PACRG: variants seen among roughly 807,000 people sequenced by gnomAD.
The protein encoded by PACRG is parkin coregulated gene protein.
A neutral mutation model predicts 29.7 loss-of-function variants in PACRG; 29 were observed. The observed-to-expected ratio is 0.98, with a 90% CI of 0.73 to 1.33. The LOEUF (loss-of-function observed/expected upper bound fraction) is 1.33. Among genes scored for constraint, PACRG ranks in the 40% most tolerant of loss-of-function variants. The pLI is 0.00. For missense variants in PACRG, 279 were observed against 316.2 expected (o/e 0.88, Z 0.89); for synonymous variants, 116 against 118.7 (o/e 0.98, Z 0.15).
chr6:163,180,360 C>T (rs1779596420), intron 4 of PACRG, among the ~76,000 whole-genome samples: 1 of 152,224 alleles, frequency 6.6e-6, no homozygotes, highest in Non-Finnish European at 1.5e-5. Context: ...GTTCTACTAA[C>T]TAGTTCGAGA....
chr6:162,884,339 A>G (rs1794152980), intron 2 of PACRG, among the ~76,000 whole-genome samples: 1 of 152,106 alleles, frequency 6.6e-6, no homozygotes, highest in African/African-American at 2.4e-5. Context: ...CAGTATGTTT[A>G]TTGAAAAAAA....
At chr6:162,744,104 A>G (rs1417156845) in intron 1 of PACRG, among the ~76,000 whole-genome samples, 5 of 152,100 alleles carry the variant, frequency 3.3e-5, no homozygotes, top group African/African-American at 7.2e-5. Flanking sequence ...AAAAAATACA[A>G]TTGTTGCTTG....
chr6:162,876,514 A>G (rs1443442647), intron 2 of PACRG, among the ~76,000 whole-genome samples: 1 of 152,264 alleles, frequency 6.6e-6, no homozygotes, highest in East Asian at 1.9e-4. Context: ...CCTTCTTTTG[A>G]GAAGTGTCTG....
At chr6:163,214,685 G>C (rs372243097) in intron 4 of PACRG, among the ~76,000 whole-genome samples, 2 of 151,806 alleles carry the variant, frequency 1.3e-5, no homozygotes, top group African/African-American at 4.8e-5. Context: ...CAGCTATGTA[G>C]GTATATTTTG....
In PACRG at chr6:162,728,192, T is replaced by C. The variant is rs544114118; in HGVS notation, c.-44T>C. The C allele has an allele frequency of 6.3e-7, 1 of 1,596,624 alleles. No homozygotes were observed. The highest frequency in any genetic ancestry group is 8.5e-7 in the Non-Finnish European group (1 of 1,170,530). ...GCTCACATCCGTAAAGCCCACTGATTCTTTTACTACACTTTTTATGAGAAC... is the reference window on the plus strand; with the variant it reads ...GCTCACATCCGTAAAGCCCACTGATCCTTTTACTACACTTTTTATGAGAAC... On this transcript the variant is annotated 5_prime_UTR_variant, in exon 1 of 5. Coordinates refer to ENST00000366888, the MANE Select transcript of PACRG (RefSeq NM_001080379.2).
intron 2 of PACRG, among the ~76,000 whole-genome samples, chr6:162,980,587 T>C (rs2128171290): frequency 6.6e-6 from 1 of 152,274 alleles, no homozygotes; most frequent in Non-Finnish European, 1.5e-5. Flanking sequence ...TATTCTCCAT[T>C]TAAGAAACAT....
chr6:163,139,629 T>C lies in PACRG; in HGVS notation c.613+50221T>C, dbSNP rs556998060. On this transcript the variant is annotated intron_variant, in intron 4 of 4. Coordinates refer to ENST00000366888, the MANE Select transcript of PACRG (RefSeq NM_001080379.2). ...TCAATAACTATTTGTTTTGTTTCTA[T>C]ATACCAAAAGTTCAGCATCTCTCCA... 2.6e-5 allele frequency among the ~76,000 whole-genome samples: 4 copies of C among 152,362 alleles called. No individual in the cohort carries two copies. In the East Asian group the frequency reaches 7.7e-4, roughly 29 times the overall value.
intron 2 of PACRG, among the ~76,000 whole-genome samples, chr6:162,881,623 T>C (rs150533239): frequency 0.016 from 2,432 of 149,286 alleles, 60 homozygotes; most frequent in African/African-American, 0.056. Flanking sequence ...CCAGGGGTGC[T>C]CTCCACCAAG....
At chr6:163,258,511 A>C (rs910211200) in intron 4 of PACRG, among the ~76,000 whole-genome samples, 44 of 152,162 alleles carry the variant, frequency 2.9e-4, no homozygotes, top group Admixed American at 2.2e-3. Flanking sequence ...TAATCCCAGC[A>C]CTTTGGGAGG....
intron 2 of PACRG, among the ~76,000 whole-genome samples, chr6:162,942,076 C>T (rs937922394): frequency 2.1e-4 from 32 of 152,178 alleles, no homozygotes; most frequent in Non-Finnish European, 1.2e-4. Flanking sequence ...TTTGCAGAAC[C>T]AAAATTGAAG....
chr6:162,873,178 A>C (rs922826809), intron 2 of PACRG, among the ~76,000 whole-genome samples: 2 of 151,826 alleles, frequency 1.3e-5, no homozygotes, highest in Non-Finnish European at 2.9e-5. Flanking sequence ...AAGAATACTA[A>C]ATTCCAAGAG....
intron 1 of PACRG, among the ~76,000 whole-genome samples, chr6:162,754,570 G>T (rs181161011): frequency 6.6e-6 from 1 of 151,606 alleles, no homozygotes; most frequent in Non-Finnish European, 1.5e-5. Flanking sequence ...CTTCCTCCCA[G>T]TGTTTTCTTC....
intron 4 of PACRG, among the ~76,000 whole-genome samples, chr6:163,193,083 G>A (rs1268610586): frequency 6.6e-6 from 1 of 152,102 alleles, no homozygotes; most frequent in South Asian, 2.1e-4. Flanking sequence ...ACAGACATTT[G>A]AAGCCTATAA....
At chr6:162,953,426 A>G (rs1302100725) in intron 2 of PACRG, among the ~76,000 whole-genome samples, 1 of 152,208 alleles carries the variant, frequency 6.6e-6, no homozygotes, top group Admixed American at 6.5e-5. Flanking sequence ...TTAGAAGATA[A>G]TACTGTAAAC....
intron 4 of PACRG, among the ~76,000 whole-genome samples, chr6:163,155,776 C>T (rs1778286623): frequency 6.6e-6 from 1 of 152,232 alleles, no homozygotes; most frequent in Non-Finnish European, 1.5e-5. Context: ...TGTCCCAACC[C>T]CACTCCGACT....
intron 1 of PACRG, among the ~76,000 whole-genome samples, chr6:162,787,572 G>GTA (rs1784571525): frequency 1.7e-5 from 1 of 58,508 alleles, no homozygotes; most frequent in African/African-American, 7.2e-5. Flanking sequence ...GTGTGTGTGT[G>GTA]TGTGTGTGTG....
chr6:163,247,602 C>T (rs775454153), intron 4 of PACRG, among the ~76,000 whole-genome samples: 53 of 152,098 alleles, frequency 3.5e-4, no homozygotes, highest in African/African-American at 5.1e-4. Context: ...CCCAGGAGCA[C>T]GCTCTATTTT....
chr6:162,750,394 A>G (rs1781426664), intron 1 of PACRG, among the ~76,000 whole-genome samples: 1 of 152,220 alleles, frequency 6.6e-6, no homozygotes. Flanking sequence ...CATTTTACTC[A>G]TTAAAATTAT....
At chr6:162,903,572 A>G (rs886664800) in intron 2 of PACRG, among the ~76,000 whole-genome samples, 32 of 152,276 alleles carry the variant, frequency 2.1e-4, no homozygotes, top group South Asian at 4.2e-4. Context: ...ATCAGATCTC[A>G]TGAGACTGAT....
Sources: gnomAD v4.1 joint callset for allele counts (sites outside exome capture counted in the v4.1 genomes callset) on GRCh38, gnomAD v4.1.1 for gene constraint, MANE v1.5 for transcripts, NCBI Gene and HGNC (gene_info 2026-07-23, HGNC 2026-07-21) for gene names.